The following AKAP13 variants were observed in gnomAD, a reference collection of about 807,000 sequenced individuals.
AKAP13 encodes the protein A-kinase anchor protein 13.
AKAP13 carries 80 observed loss-of-function variants against 264.5 expected under a neutral mutation model. The observed-to-expected ratio is 0.30, with a 90% CI of 0.25 to 0.36. The LOEUF is 0.36. Ranked by LOEUF, AKAP13 falls within the 10% of genes least tolerant of loss-of-function variation. The pLI is 1.00. For synonymous variants in AKAP13, 1,380 were observed against 1,250.2 expected, an observed-to-expected ratio of 1.10 and a Z score of -2.19; for missense variants, 3,712 against 3,435.2, an observed-to-expected ratio of 1.08 and a Z score of -2.01.
intron 1 of AKAP13, among the ~76,000 whole-genome samples, chr15:85,475,538 G>T (rs2075130261): frequency 6.6e-6 from 1 of 152,206 alleles, no homozygotes; most frequent in African/African-American, 2.4e-5. Context: ...CATCATGTGG[G>T]ATCCTAAGTA....
In AKAP13 at chr15:85,723,052, A is replaced by T; in HGVS notation, c.6497-20A>T. ...GTCCAAAAAGAGCCATAAAAAACAG[A>T]ATTATTCTTTCCTTCCAAGACAATG... On this transcript the variant is annotated intron_variant, in intron 25 of 36. Coordinates refer to ENST00000394518, the MANE Select transcript of AKAP13 (RefSeq NM_007200.5). The T allele has an allele frequency of 6.2e-7, 1 of 1,607,560 alleles. No homozygotes were observed. The highest frequency in any genetic ancestry group is 8.5e-7 in the Non-Finnish European group (1 of 1,175,274).
intron 1 of AKAP13, 119 bp from the exon 2 acceptor site, chr15:85,485,590 TA>T: frequency 1.3e-6 from 1 of 767,020 alleles, no homozygotes. Flanking sequence ...GGGCATATGG[TA>T]ATCTCGGGCA....
At chr15:85,585,233 G>A (rs994640389) in intron 7 of AKAP13, among the ~76,000 whole-genome samples, 1 of 152,190 alleles carries the variant, frequency 6.6e-6, no homozygotes, top group Non-Finnish European at 1.5e-5. Context: ...TTGTATGTTA[G>A]TGAAAGTCAT....
chr15:85,458,477 C>G (rs1314040157), intron 1 of AKAP13, among the ~76,000 whole-genome samples: 1 of 142,744 alleles, frequency 7.0e-6, no homozygotes, highest in Admixed American at 7.3e-5. Context: ...AGCATTTGTA[C>G]ATGCTATTAA....
rs138624084 is a variant in AKAP13 at position 85,633,155 on chromosome 15, C to T, written c.4162-6219C>T. Among the ~76,000 whole-genome samples the T allele has an allele frequency of 2.0e-4, 31 of 152,154 alleles. No homozygotes were observed. The East Asian group carries it at 3.5e-3, about 17-fold the overall frequency. On this transcript the variant is annotated intron_variant, in intron 8 of 36. Transcript: ENST00000394518. ...TGCTGGGATTACAGGCATGTGCCAC[C>T]GCGCCCGGCAGAAATAGAATTTTAA...
At chr15:85,465,508 C>G (rs1389506906) in intron 1 of AKAP13, among the ~76,000 whole-genome samples, 33 of 104,236 alleles carry the variant, frequency 3.2e-4, no homozygotes, top group African/African-American at 1.3e-3. Context: ...CCCCTCCCCC[C>G]ACCCCACAAC....
At chr15:85,520,774 A>G (rs2076794508) in intron 2 of AKAP13, 2 of 511,842 alleles carry the variant, frequency 3.9e-6, no homozygotes, top group Non-Finnish European at 7.8e-6. Flanking sequence ...TGTTTAAACT[A>G]TGGGGATACG....
intron 1 of AKAP13, among the ~76,000 whole-genome samples, chr15:85,385,075 T>C (rs1418038273): frequency 6.6e-6 from 1 of 152,218 alleles, no homozygotes; most frequent in Non-Finnish European, 1.5e-5. Context: ...CTCTGGCTAC[T>C]TTGGTGCTAT....
At chr15:85,712,193 G>A (rs1017012854) in intron 19 of AKAP13, among the ~76,000 whole-genome samples, 1 of 152,026 alleles carries the variant, frequency 6.6e-6, no homozygotes, top group Non-Finnish European at 1.5e-5. Context: ...CTTGAAAACC[G>A]CTCCTTTATG....
intron 17 of AKAP13, among the ~76,000 whole-genome samples, chr15:85,698,943 C>CAAAAA (rs10715702): frequency 1.4e-5 from 1 of 72,836 alleles, no homozygotes; most frequent in Admixed American, 1.8e-4. Flanking sequence ...GACCTTGTCT[C>CAAAAA]AAAAAAAAAA....
chr15:85,452,298 G>C (rs1053892504), intron 1 of AKAP13, among the ~76,000 whole-genome samples: 1 of 150,216 alleles, frequency 6.7e-6, no homozygotes, highest in Non-Finnish European at 1.5e-5. Context: ...TTTTCCTTGG[G>C]TTGGGTTTTG....
At chr15:85,639,020 A>C (rs1161964975) in intron 8 of AKAP13, among the ~76,000 whole-genome samples, 2 of 152,086 alleles carry the variant, frequency 1.3e-5, no homozygotes, top group Admixed American at 1.3e-4. Context: ...CAGCCTCCCA[A>C]AGTGTTGGGA....
intron 1 of AKAP13, among the ~76,000 whole-genome samples, chr15:85,458,537 G>T (rs989525757): frequency 6.6e-6 from 1 of 151,420 alleles, no homozygotes; most frequent in South Asian, 2.1e-4. Flanking sequence ...TTCTCCTAAT[G>T]TTATATAGAT....
intron 33 of AKAP13, among the ~76,000 whole-genome samples, chr15:85,739,553 T>G (rs973011584): frequency 7.9e-5 from 12 of 152,312 alleles, no homozygotes; most frequent in African/African-American, 2.9e-4. Flanking sequence ...CCTTTTAATT[T>G]TAATTTTACA....
intron 8 of AKAP13, among the ~76,000 whole-genome samples, chr15:85,590,355 C>T (rs2079535423): frequency 6.6e-6 from 1 of 152,150 alleles, no homozygotes; most frequent in Non-Finnish European, 1.5e-5. Context: ...GTGGCACTAC[C>T]AAGGATTTAA....
rs1355569877 is a variant in AKAP13, at chr15:85,736,135, G to A, written c.7557+1G>A. On this transcript the variant is annotated splice_donor_variant, in intron 33 of 36. Transcript: ENST00000394518. LOFTEE classifies it high-confidence loss of function. The stretch of plus-strand genomic sequence containing the variant: ...ATTTATGCTTAAAAGAAACAGTGAG[G>A]TAAGGACATTATGAACTATTTAAGA... 6.2e-7 allele frequency: 1 copy of A among 1,602,654 alleles called. No individual in the cohort carries two copies. Among genetic ancestry groups the A allele is most frequent in the South Asian group, 1.1e-5 (1 of 90,602 alleles).
chr15:85,437,783 C>G (rs1447918584), intron 1 of AKAP13, among the ~76,000 whole-genome samples: 1 of 152,188 alleles, frequency 6.6e-6, no homozygotes, highest in Non-Finnish European at 1.5e-5. Context: ...ATGCTAAAAA[C>G]TCTCAATAAA....
Position 85,682,210 on chromosome 15 carries a change from G to C in AKAP13, c.5154G>C (p.Glu1718Asp), listed in dbSNP as rs137923457. ...ACAATACCAGTGCTAATCTGACTGA[G>C]AGGTACTATAAATTTGTTACTCCTT... The part of the protein sequence containing the change: ...TFHNTSANLT[E>D]SITEENYNFL... Residue 1718 changes from glutamate (E) to aspartate (D), a missense_variant and splice_region_variant, in exon 15 of 37, where the codon GAG becomes GAC. By Grantham distance (45) the Glu-to-Asp change is conservative. Transcript: ENST00000394518. The C allele has an allele frequency of 3.7e-6, 6 of 1,612,898 alleles. No homozygotes were observed. In the African/African-American group the frequency reaches 8.0e-5, roughly 22 times the overall value.
chr15:85,729,419 G>C (rs538602044), intron 29 of AKAP13, among the ~76,000 whole-genome samples: 1 of 152,286 alleles, frequency 6.6e-6, no homozygotes, highest in Admixed American at 6.5e-5. Context: ...TGTTGACTGA[G>C]AAAGAGATTC....
Sources: gnomAD v4.1 joint callset for allele counts (sites outside exome capture counted in the v4.1 genomes callset) on GRCh38, gnomAD v4.1.1 for gene constraint, MANE v1.5 for transcripts, NCBI Gene and HGNC (gene_info 2026-07-23, HGNC 2026-07-21) for gene names.